PRIM2: variants seen among roughly 807,000 people sequenced by gnomAD.
PRIM2 encodes the protein DNA primase large subunit.
In PRIM2, 39 loss-of-function variants were observed where a neutral mutation model predicts 67.3. That is an observed-to-expected ratio of 0.58 (90% CI 0.45 to 0.76). PRIM2 has a LOEUF of 0.76. Among genes scored for constraint, PRIM2 ranks in the 30% least tolerant of loss-of-function variants. PRIM2 has a pLI of 0.00. For missense variants in PRIM2, 398 were observed against 598.7 expected (o/e 0.66, Z 3.50); for synonymous variants, 143 against 198.7 (o/e 0.72, Z 2.36).
chr6:57,348,750 T>A (rs1425873310), intron 5 of PRIM2, among the ~76,000 whole-genome samples: 1 of 135,868 alleles, frequency 7.4e-6, no homozygotes, highest in Non-Finnish European at 1.5e-5. Context: ...TCCTGCCCTT[T>A]TTTTTTTTTT....
intron 10 of PRIM2, among the ~76,000 whole-genome samples, chr6:57,596,167 G>A (rs1336358636): frequency 6.6e-6 from 1 of 152,024 alleles, no homozygotes; most frequent in Non-Finnish European, 1.5e-5. Context: ...CGAGGAACCA[G>A]GGTCAGGGAT....
chr6:57,384,912 G>C (rs999673349), intron 7 of PRIM2, among the ~76,000 whole-genome samples: 84 of 152,268 alleles, frequency 5.5e-4, no homozygotes, highest in African/African-American at 1.9e-3. Flanking sequence ...TTCTGATTTT[G>C]TGTATTGCAA....
chr6:57,533,800 A>G (rs1774940866), intron 9 of PRIM2, among the ~76,000 whole-genome samples: 1 of 152,194 alleles, frequency 6.6e-6, no homozygotes, highest in Non-Finnish European at 1.5e-5. Flanking sequence ...GTTATGTAGC[A>G]GCCATTGTGC....
At chr6:57,480,316 C>T (rs1773583963) in intron 7 of PRIM2, among the ~76,000 whole-genome samples, 1 of 152,056 alleles carries the variant, frequency 6.6e-6, no homozygotes, top group Non-Finnish European at 1.5e-5. Context: ...TTTACATACA[C>T]AGGAAGTTGA....
chr6:57,426,640 A>G (rs1771635029), intron 7 of PRIM2, among the ~76,000 whole-genome samples: 1 of 152,214 alleles, frequency 6.6e-6, no homozygotes, highest in Non-Finnish European at 1.5e-5. Context: ...GGTGTTGGGG[A>G]CCAAGTTGTA....
intron 7 of PRIM2, among the ~76,000 whole-genome samples, chr6:57,437,034 C>T (rs1184743366): frequency 8.5e-5 from 13 of 152,164 alleles, no homozygotes; most frequent in Admixed American, 8.5e-4. Context: ...ACAGGCTGTA[C>T]AGGAAGCGTG....
intron 9 of PRIM2, among the ~76,000 whole-genome samples, chr6:57,533,561 A>G (rs1478915091): frequency 6.6e-6 from 1 of 152,224 alleles, no homozygotes; most frequent in Non-Finnish European, 1.5e-5. Context: ...TTTGTTCTCA[A>G]AGATGTCCCA....
At chr6:57,555,398 G>A (rs1775493212) in intron 10 of PRIM2, among the ~76,000 whole-genome samples, 1 of 152,154 alleles carries the variant, frequency 6.6e-6, no homozygotes, top group African/African-American at 2.4e-5. Context: ...TCCTGCTTCA[G>A]CCTCCCAAGT....
intron 7 of PRIM2, among the ~76,000 whole-genome samples, chr6:57,415,056 A>G (rs1771213441): frequency 6.6e-6 from 1 of 152,162 alleles, no homozygotes; most frequent in Non-Finnish European, 1.5e-5. Context: ...TTTTTGATGT[A>G]AGTGACTTAT....
chr6:57,532,836 G>C (rs1774921011), intron 9 of PRIM2, among the ~76,000 whole-genome samples: 1 of 152,096 alleles, frequency 6.6e-6, no homozygotes, highest in Non-Finnish European at 1.5e-5. Flanking sequence ...TCATGACAAC[G>C]GAAATTTATT....
At chr6:57,274,635 C>T in the PRIM2 span, among the ~76,000 whole-genome samples, 2 of 152,240 alleles carry the variant, frequency 1.3e-5, no homozygotes, top group Non-Finnish European at 2.9e-5. Context: ...ACCCACTGTC[C>T]TGCACCCACT....
intron 8 of PRIM2, among the ~76,000 whole-genome samples, chr6:57,508,374 A>G (rs2127459995): frequency 6.6e-6 from 1 of 152,232 alleles, no homozygotes; most frequent in African/African-American, 2.4e-5. Flanking sequence ...TAAAAACATT[A>G]TTGTTAGTGA....
At chr6:57,222,628 G>A in the PRIM2 span, among the ~76,000 whole-genome samples, 1 of 152,164 alleles carries the variant, frequency 6.6e-6, no homozygotes, top group Non-Finnish European at 1.5e-5. Flanking sequence ...AAAAAATGTC[G>A]AGCAAAGTCG....
At chr6:57,344,575 A>G (rs1768606853) in intron 5 of PRIM2, among the ~76,000 whole-genome samples, 2 of 152,236 alleles carry the variant, frequency 1.3e-5, no homozygotes, top group Admixed American at 6.5e-5. Context: ...CACTACAAGT[A>G]TAATACTTTT....
chr6:57,507,603 T>C (rs1774276798), intron 8 of PRIM2, 149 bp downstream of exon 8: 1 of 978,612 alleles, frequency 1.0e-6, no homozygotes, highest in Non-Finnish European at 1.4e-6. Flanking sequence ...AAGTTCTTAA[T>C]ACCATGTACT....
chr6:57,507,404 G>A lies in PRIM2; in HGVS notation c.711G>A (p.Leu237=), dbSNP rs1774272493. ...SKALALTARS[L]PAVQSDERLQ... is the part of the protein sequence containing the mutation. Reference sequence around the variant, plus strand: ...GCTTTTAGTTAACAGCCAGGTCCTTGCCTGCTGTGCAGTCTGATGAAAGAC... The same window carrying A: ...GCTTTTAGTTAACAGCCAGGTCCTTACCTGCTGTGCAGTCTGATGAAAGAC... Residue 237 remains leucine (L), a synonymous_variant, in exon 8 of 14, where the codon TTG becomes TTA. Coordinates refer to ENST00000615550, the MANE Select transcript of PRIM2 (RefSeq NM_000947.5). 2.8e-5 allele frequency: 43 copies of A among 1,551,566 alleles called. No homozygotes were observed. In the South Asian group the frequency reaches 3.8e-4, roughly 14 times the overall value.
chr6:57,428,791 T>A (rs1771717496), intron 7 of PRIM2, among the ~76,000 whole-genome samples: 1 of 152,214 alleles, frequency 6.6e-6, no homozygotes, highest in Non-Finnish European at 1.5e-5. Flanking sequence ...GAGTTTCAAT[T>A]GTACCTCCCA....
chr6:57,642,226 G>T (rs1777250740), intron 13 of PRIM2, among the ~76,000 whole-genome samples: 1 of 151,978 alleles, frequency 6.6e-6, no homozygotes, highest in South Asian at 2.1e-4. Flanking sequence ...ACCAGGGCCT[G>T]TTTGGGGGGG....
the PRIM2 span, among the ~76,000 whole-genome samples, chr6:57,229,897 T>C: frequency 2.0e-5 from 3 of 151,910 alleles, no homozygotes; most frequent in Non-Finnish European, 4.4e-5. Flanking sequence ...CATGCCTCCT[T>C]TGGTGGTTTT....
Sources: gnomAD v4.1 joint callset for allele counts (sites outside exome capture counted in the v4.1 genomes callset) on GRCh38, gnomAD v4.1.1 for gene constraint, MANE v1.5 for transcripts, NCBI Gene and HGNC (gene_info 2026-07-23, HGNC 2026-07-21) for gene names.